LRBA: variants seen among roughly 807,000 people sequenced by gnomAD.
The protein encoded by LRBA is LPS responsive beige-like anchor protein.
LRBA carries 176 observed loss-of-function variants against 330.0 expected under a neutral mutation model. The ratio of observed to expected loss-of-function variants is 0.53; its 90% CI spans 0.47 to 0.60. LRBA has a LOEUF of 0.60. Among genes scored for constraint, LRBA ranks in the 20% least tolerant of loss-of-function variants. The pLI, the probability that LRBA is intolerant of heterozygous loss-of-function variation, is 0.00. For missense variants in LRBA, 3,259 were observed against 3,444.8 expected (o/e 0.95, Z 1.35); for synonymous variants, 1,230 against 1,193.0 (o/e 1.03, Z -0.64).
At chr4:150,515,675 A>G (rs1309485830) in intron 40 of LRBA, among the ~76,000 whole-genome samples, 2 of 152,158 alleles carry the variant, frequency 1.3e-5, no homozygotes, top group Non-Finnish European at 2.9e-5. Context: ...GAAAGATGAA[A>G]ATGCATTTGA....
chr4:150,844,009 T>C, intron 28 of LRBA, 91 bp downstream of exon 28: 1 of 724,732 alleles, frequency 1.4e-6, no homozygotes. Context: ...CACTATTTGA[T>C]ATCACAAAGA....
intron 49 of LRBA, among the ~76,000 whole-genome samples, chr4:150,322,805 C>G (rs1732696613): frequency 6.6e-6 from 1 of 152,186 alleles, no homozygotes; most frequent in African/African-American, 2.4e-5. Context: ...AATGCCTCAT[C>G]TGATGTGGCC....
At chr4:150,467,587 T>C in intron 44 of LRBA, 86 bp downstream of exon 44, 1 of 818,632 alleles carries the variant, frequency 1.2e-6, no homozygotes, top group Non-Finnish European at 1.9e-6. Context: ...GAAAAAAATT[T>C]TTAAGTTAAG....
intron 44 of LRBA, among the ~76,000 whole-genome samples, chr4:150,448,567 C>G (rs192260349): frequency 8.4e-4 from 127 of 152,006 alleles, no homozygotes; most frequent in Non-Finnish European, 9.6e-4. Context: ...TTCGGGAGGC[C>G]GAGGCAGGTG....
chr4:150,650,012 T>C (rs1438282106), intron 37 of LRBA, among the ~76,000 whole-genome samples: 1 of 152,168 alleles, frequency 6.6e-6, no homozygotes, highest in Non-Finnish European at 1.5e-5. Context: ...AACTTGAGCA[T>C]ATATGATTTT....
intron 2 of LRBA, among the ~76,000 whole-genome samples, chr4:150,965,425 C>G (rs1450677086): frequency 1.3e-5 from 2 of 152,152 alleles, no homozygotes; most frequent in African/African-American, 4.8e-5. Flanking sequence ...GTGAAACATA[C>G]AAGTATTTAC....
intron 17 of LRBA, among the ~76,000 whole-genome samples, chr4:150,884,002 G>C (rs1728679570): frequency 6.6e-6 from 1 of 152,120 alleles, no homozygotes; most frequent in South Asian, 2.1e-4. Flanking sequence ...ATTTATTGTT[G>C]AGAAATTGCT....
At position 150,457,239 on chromosome 4, in the gene LRBA, C is replaced by T. The variant is rs1237988609; in HGVS notation, c.6780+10434G>A. 2.6e-5 allele frequency among the ~76,000 whole-genome samples: 4 copies of T among 151,990 alleles called. No individual in the cohort carries two copies. The East Asian group carries it at 7.7e-4, about 29-fold the overall frequency. On this transcript the variant is annotated intron_variant, in intron 44 of 56. Transcript: ENST00000651943. ...AAAAATTCCTTTTCTGAAAGTAAGA[C>T]AATCTAAAAATTAAGCTACTGAAAA...
At chr4:150,712,698 T>C (rs556100312) in intron 36 of LRBA, among the ~76,000 whole-genome samples, 1 of 152,220 alleles carries the variant, frequency 6.6e-6, no homozygotes, top group African/African-American at 2.4e-5. Context: ...TACGCTACGA[T>C]TACAATTCTA....
intron 37 of LRBA, among the ~76,000 whole-genome samples, chr4:150,657,166 A>G (rs752893778): frequency 1.3e-5 from 2 of 152,354 alleles, no homozygotes; most frequent in East Asian, 1.9e-4. Flanking sequence ...ACAGCAATCC[A>G]TAAGACAGAC....
At chr4:150,703,465 T>C (rs1785308414) in intron 36 of LRBA, among the ~76,000 whole-genome samples, 1 of 152,202 alleles carries the variant, frequency 6.6e-6, no homozygotes, top group Admixed American at 6.5e-5. Context: ...GGGAGCTTCC[T>C]ATGTTCCAAG....
intron 22 of LRBA, among the ~76,000 whole-genome samples, chr4:150,867,381 A>G (rs1752856853): frequency 6.6e-6 from 1 of 152,186 alleles, no homozygotes; most frequent in African/African-American, 2.4e-5. Context: ...TTTTGCCGCA[A>G]CTACTTTTTC....
At chr4:150,543,434 G>A (rs1363270984) in intron 40 of LRBA, among the ~76,000 whole-genome samples, 4 of 152,168 alleles carry the variant, frequency 2.6e-5, no homozygotes, top group Non-Finnish European at 4.4e-5. Context: ...TTTAGAAAAT[G>A]AGTAACTATC....
chr4:150,826,663 A>C (rs1746329853), intron 30 of LRBA, among the ~76,000 whole-genome samples: 1 of 152,170 alleles, frequency 6.6e-6, no homozygotes, highest in African/African-American at 2.4e-5. Flanking sequence ...GCTCCTGACC[A>C]CCCAGAGCTT....
chr4:150,400,417 A>C (rs1745306316), intron 47 of LRBA, among the ~76,000 whole-genome samples: 1 of 152,338 alleles, frequency 6.6e-6, no homozygotes, highest in Non-Finnish European at 1.5e-5. Flanking sequence ...AACCTGGATC[A>C]AAAATTTTGT....
chr4:150,277,821 C>G (rs751740913), intron 56 of LRBA, 32 bp downstream of exon 56: 1 of 1,607,872 alleles, frequency 6.2e-7, no homozygotes, highest in South Asian at 1.1e-5. Context: ...GTTTTTGAAA[C>G]CCCTATTTGT....
chr4:150,861,768 G>T (rs1384458149), intron 22 of LRBA, among the ~76,000 whole-genome samples: 1 of 152,042 alleles, frequency 6.6e-6, no homozygotes, highest in East Asian at 1.9e-4. Context: ...AAAACTTTTT[G>T]ACTCTTTTGA....
At chr4:150,878,056 G>A (rs1754251794) in intron 17 of LRBA, among the ~76,000 whole-genome samples, 1 of 152,100 alleles carries the variant, frequency 6.6e-6, no homozygotes, top group Non-Finnish European at 1.5e-5. Flanking sequence ...CTTTAGGCCA[G>A]GCACAGTGGC....
intron 28 of LRBA, chr4:150,841,006 G>T (rs1166523822): frequency 1.6e-6 from 2 of 1,256,636 alleles, no homozygotes; most frequent in East Asian, 1.2e-4. Context: ...TCCGTGATCT[G>T]ACAAAATCTA....
Sources: allele counts gnomAD v4.1 joint callset (sites outside exome capture counted in the v4.1 genomes callset), GRCh38; gene constraint gnomAD v4.1.1; transcripts MANE v1.5; gene names NCBI Gene and HGNC (gene_info 2026-07-23, HGNC 2026-07-21).